KYNU: variants seen among roughly 807,000 people sequenced by gnomAD.
KYNU encodes kynureninase.
Under a neutral mutation model 59.2 loss-of-function variants are expected in KYNU, and 54 were observed. That is an observed-to-expected ratio of 0.91 (90% CI 0.73 to 1.14). The LOEUF (loss-of-function observed/expected upper bound fraction) is 1.14, where lower values mean the gene tolerates loss of function less well. Among genes scored for constraint, KYNU ranks in the 50% most tolerant of loss-of-function variants. The pLI is 0.00. For missense variants in KYNU, 567 were observed against 554.4 expected (o/e 1.02, Z -0.23); for synonymous variants, 177 against 192.0 (o/e 0.92, Z 0.65).
chr2:142,943,105 C>T (rs983196716), intron 4 of KYNU, among the ~76,000 whole-genome samples: 1 of 152,154 alleles, frequency 6.6e-6, no homozygotes, highest in Admixed American at 6.5e-5. Flanking sequence ...CTGTCTTTCC[C>T]TGGCACTGGC....
intron 2 of KYNU, among the ~76,000 whole-genome samples, chr2:142,899,806 G>A (rs1430808378): frequency 6.6e-6 from 1 of 152,210 alleles, no homozygotes; most frequent in Non-Finnish European, 1.5e-5. Flanking sequence ...AAGTGCAGGG[G>A]AATATTTCTT....
chr2:142,957,787 G>A, intron 7 of KYNU, 72 bp downstream of exon 7: 1 of 984,650 alleles, frequency 1.0e-6, no homozygotes, highest in Non-Finnish European at 1.6e-6. Flanking sequence ...TTCCTCAAAA[G>A]TTTATTAAAA....
At chr2:142,992,701 G>A (rs1685436664) in intron 10 of KYNU, among the ~76,000 whole-genome samples, 2 of 151,620 alleles carry the variant, frequency 1.3e-5, no homozygotes, top group Admixed American at 6.6e-5. Context: ...ATCTCACATA[G>A]GTATCTTTCT....
At chr2:142,937,790 C>A (rs1200468343) in intron 4 of KYNU, among the ~76,000 whole-genome samples, 1 of 152,138 alleles carries the variant, frequency 6.6e-6, no homozygotes, top group Non-Finnish European at 1.5e-5. Context: ...TCTGCTTATG[C>A]CTCCATTTAG....
intron 4 of KYNU, among the ~76,000 whole-genome samples, chr2:142,945,745 AT>A (rs35581968): frequency 1.8e-4 from 27 of 147,036 alleles, no homozygotes; most frequent in East Asian, 2.0e-4. Context: ...ATTGTATTTA[AT>A]TTTTTTTTTT....
At chr2:142,945,445 T>C (rs1242414851) in intron 4 of KYNU, among the ~76,000 whole-genome samples, 1 of 152,234 alleles carries the variant, frequency 6.6e-6, no homozygotes, top group African/African-American at 2.4e-5. Context: ...AACAATTCAG[T>C]CACATCTTCA....
rs1687311868 is a variant in KYNU, at chr2:143,054,021, T to G, written c.*11849T>G. 1.3e-5 allele frequency: 2 copies of G among 152,212 alleles called. No homozygotes were observed. The highest frequency in any genetic ancestry group is 4.1e-4 in the South Asian group (2 of 4,834). 9.4% of individuals were successfully genotyped at this position (152,212 alleles called of 1,614,324 possible). On this transcript the variant is annotated 3_prime_UTR_variant, in exon 14 of 14. Coordinates refer to ENST00000264170, the MANE Select transcript of KYNU (RefSeq NM_003937.3). Reference sequence around the variant, plus strand: ...GCTTGCTGGTGAGGAGAAATCCCTATACACATTTTGGTGACCAGAGGTAAA... The same window carrying G: ...GCTTGCTGGTGAGGAGAAATCCCTAGACACATTTTGGTGACCAGAGGTAAA...
intron 4 of KYNU, among the ~76,000 whole-genome samples, chr2:142,952,314 C>T (rs1217103139): frequency 3.9e-5 from 6 of 151,930 alleles, no homozygotes; most frequent in South Asian, 2.1e-4. Flanking sequence ...GAGCTCAAAC[C>T]ATCCACCTAT....
intron 10 of KYNU, among the ~76,000 whole-genome samples, chr2:142,993,882 G>A (rs2105175780): frequency 6.6e-6 from 1 of 152,076 alleles, no homozygotes; most frequent in South Asian, 2.1e-4. Flanking sequence ...TGATGAAATA[G>A]TCATTAATTT....
At chr2:142,947,012 C>T in intron 4 of KYNU, 3 of 1,534,642 alleles carry the variant, frequency 2.0e-6, no homozygotes, top group Non-Finnish European at 2.6e-6. Flanking sequence ...TTAGTAATTT[C>T]ATGGTACCCT....
Position 142,901,126 on chromosome 2 carries a change from C to T in KYNU, c.169+15590C>T, listed in dbSNP as rs189914118. On this transcript the variant is annotated intron_variant, in intron 2 of 13. Coordinates refer to ENST00000264170, the MANE Select transcript of KYNU (RefSeq NM_003937.3). ...TGCAGGGGGTTATTTTTTTGACACA[C>T]TTCACAGGCCCTGACTATCTGCTTG... Among the ~76,000 whole-genome samples the T allele has an allele frequency of 1.0e-3, 157 of 151,228 alleles. 2 individuals are homozygous for T. Among genetic ancestry groups the T allele is most frequent in the Admixed American group, 6.6e-3 (100 of 15,216 alleles).
At chr2:142,886,610 C>T (rs756262488) in intron 2 of KYNU, among the ~76,000 whole-genome samples, 1 of 151,870 alleles carries the variant, frequency 6.6e-6, no homozygotes, top group Admixed American at 6.6e-5. Context: ...ATTCTAGAAT[C>T]GAAAATTAAA....
intron 2 of KYNU, among the ~76,000 whole-genome samples, chr2:142,897,393 A>C (rs1352194379): frequency 6.6e-6 from 1 of 152,222 alleles, no homozygotes; most frequent in Admixed American, 6.5e-5. Flanking sequence ...CTGAAACTCA[A>C]TTCAATATTA....
intron 1 of KYNU, among the ~76,000 whole-genome samples, chr2:142,878,973 T>G (rs529356676): frequency 6.6e-6 from 1 of 152,276 alleles, no homozygotes; most frequent in South Asian, 2.1e-4. Context: ...GGTATGTATG[T>G]CCCCCGTCTT....
chr2:142,958,322 A>G (rs573797691), intron 7 of KYNU, among the ~76,000 whole-genome samples: 2 of 152,198 alleles, frequency 1.3e-5, no homozygotes, highest in African/African-American at 4.8e-5. Context: ...TAACAAAAGC[A>G]TGTGTCTAAT....
At chr2:143,032,711 T>TTGTGTGTGTGTGTG (rs61062901) in intron 11 of KYNU, among the ~76,000 whole-genome samples, 25,642 of 129,222 alleles carry the variant, frequency 0.2, 3,060 homozygotes, top group South Asian at 0.3. Context: ...GCTCCCTCTA[T>TTGTGTGTGTGTGTG]TGTGTGTGTG....
rs779585910 is a variant in KYNU, at chr2:143,050,490, A to G, written c.*8318A>G. 1 of 152,288 alleles carries G rather than the reference A, an allele frequency of 6.6e-6. No homozygotes were observed. Among genetic ancestry groups the G allele is most frequent in the Middle Eastern group, 3.4e-3 (1 of 294 alleles). 9.4% of individuals were successfully genotyped at this position (152,288 alleles called of 1,614,324 possible). ...GGACATGATCTCATTCCTCAATACT[A>G]TGGCTACGTAGTATTCCATGGTGTA... On this transcript the variant is annotated 3_prime_UTR_variant, in exon 14 of 14. Coordinates refer to ENST00000264170, the MANE Select transcript of KYNU (RefSeq NM_003937.3).
At position 143,033,249 on chromosome 2, in the gene KYNU, C is replaced by A. The variant is rs1686808582; in HGVS notation, c.969C>A (p.Ile323=). The change falls in exon 12 of 14, where the codon ATC becomes ATA. Residue 323 remains isoleucine (I), a synonymous_variant. Transcript: ENST00000264170. ...RFKMDNKLQL[I]PGVCGFRISN... is the part of the protein sequence containing the mutation. The stretch of plus-strand genomic sequence containing the variant: ...TTAATTTCTCAGAACTGCAGTTAAT[C>A]CCTGGGGTCTGTGGATTCCGAATTT... 4 of 1,611,954 alleles carry A rather than the reference C, an allele frequency of 2.5e-6. No homozygotes were observed. Among genetic ancestry groups the A allele is most frequent in the Non-Finnish European group, 3.4e-6 (4 of 1,178,056 alleles).
At chr2:142,984,370 A>G (rs1685138284) in intron 8 of KYNU, among the ~76,000 whole-genome samples, 1 of 151,834 alleles carries the variant, frequency 6.6e-6, no homozygotes. Flanking sequence ...TCCCCTGGAA[A>G]CTCTAATTTT....
Sources: allele counts gnomAD v4.1 joint callset (sites outside exome capture counted in the v4.1 genomes callset), GRCh38; gene constraint gnomAD v4.1.1; transcripts MANE v1.5; gene names NCBI Gene and HGNC (gene_info 2026-07-23, HGNC 2026-07-21).